The following NAV3 variants were observed in gnomAD, a reference collection of about 807,000 sequenced individuals.
NAV3 encodes neuron navigator 3.
NAV3 carries 87 observed loss-of-function variants against 244.7 expected under a neutral mutation model. The observed-to-expected ratio is 0.36, with a 90% CI of 0.30 to 0.42. The LOEUF (loss-of-function observed/expected upper bound fraction) is 0.42, where lower values mean the gene tolerates loss of function less well. Ranked by LOEUF, NAV3 falls within the 20% of genes least tolerant of loss-of-function variation. The probability of loss-of-function intolerance (pLI) is 1.00; values close to 1 mark genes in which losing one functional copy is unlikely to be tolerated. For missense variants in NAV3, 2,663 were observed against 2,893.3 expected (o/e 0.92, Z 1.83); for synonymous variants, 1,126 against 1,042.2 (o/e 1.08, Z -1.55).
intron 12 of NAV3, among the ~76,000 whole-genome samples, chr12:78,089,355 C>T (rs1211611274): frequency 1.3e-5 from 2 of 152,068 alleles, no homozygotes; most frequent in Non-Finnish European, 2.9e-5. Flanking sequence ...ACCATTTTAA[C>T]ATATTTTTTA....
chr12:78,061,815 TA>T (rs138479632), intron 12 of NAV3, among the ~76,000 whole-genome samples: 2,378 of 149,954 alleles, frequency 0.016, 63 homozygotes, highest in African/African-American at 0.054. Flanking sequence ...TCATGTTTAC[TA>T]AAAAAAAAAT....
intron 1 of NAV3, among the ~76,000 whole-genome samples, chr12:77,927,865 TG>T (rs1466592040): frequency 6.6e-6 from 1 of 152,112 alleles, no homozygotes; most frequent in Non-Finnish European, 1.5e-5. Flanking sequence ...CCAGAGTGTT[TG>T]ATTGACTGTC....
chr12:78,133,987 A>G (rs778986354), intron 18 of NAV3, among the ~76,000 whole-genome samples: 11 of 152,166 alleles, frequency 7.2e-5, no homozygotes, highest in Non-Finnish European at 1.5e-4. Context: ...TCATGCCTCC[A>G]TGCATGATAA....
intron 2 of NAV3, among the ~76,000 whole-genome samples, chr12:77,590,690 T>G (rs1869865974): frequency 6.6e-6 from 1 of 152,238 alleles, no homozygotes; most frequent in African/African-American, 2.4e-5. Context: ...TGGTTATTAT[T>G]CACACAAATA....
intron 2 of NAV3, among the ~76,000 whole-genome samples, chr12:77,685,887 T>C (rs1171720596): frequency 6.6e-6 from 1 of 152,146 alleles, no homozygotes; most frequent in African/African-American, 2.4e-5. Context: ...ATTTAGAGTG[T>C]TTAGAAATTT....
intron 2 of NAV3, among the ~76,000 whole-genome samples, chr12:77,607,000 C>G (rs541917247): frequency 2.6e-5 from 4 of 152,070 alleles, no homozygotes; most frequent in Non-Finnish European, 4.4e-5. Context: ...CAAATAAATT[C>G]GAGGAAGCAA....
intron 14 of NAV3, 28 bp from the exon 15 acceptor site, chr12:78,119,209 A>G (rs758351398): frequency 1.3e-6 from 2 of 1,588,810 alleles, no homozygotes; most frequent in Non-Finnish European, 1.7e-6. Flanking sequence ...CTACAGGCAC[A>G]TATATTTGTG....
intron 2 of NAV3, among the ~76,000 whole-genome samples, chr12:77,785,485 G>A (rs961958464): frequency 1.3e-5 from 2 of 152,020 alleles, no homozygotes; most frequent in Admixed American, 6.6e-5. Context: ...AGTAGGAGGA[G>A]GGAGGGGACA....
chr12:77,603,700 G>A (rs1397660280), intron 2 of NAV3, among the ~76,000 whole-genome samples: 1 of 152,052 alleles, frequency 6.6e-6, no homozygotes, highest in African/African-American at 2.4e-5. Context: ...GATGAAGGGA[G>A]AGGCAGGATT....
At chr12:77,920,305 A>G (rs1007089251) in intron 1 of NAV3, among the ~76,000 whole-genome samples, 8 of 152,032 alleles carry the variant, frequency 5.3e-5, no homozygotes, top group African/African-American at 1.7e-4. Flanking sequence ...CATGCTATAT[A>G]TTGTACTTAA....
At chr12:77,854,365 AT>A (rs1878026744) in intron 1 of NAV3, among the ~76,000 whole-genome samples, 1 of 152,204 alleles carries the variant, frequency 6.6e-6, no homozygotes, top group Non-Finnish European at 1.5e-5. Context: ...ATAAATCTGC[AT>A]AAATCCCCTA....
chr12:77,636,252 G>A (rs1026415519), intron 2 of NAV3, among the ~76,000 whole-genome samples: 3 of 152,024 alleles, frequency 2.0e-5, no homozygotes, highest in African/African-American at 7.3e-5. Context: ...GGATCATGAG[G>A]TCAGGAGATC....
intron 2 of NAV3, among the ~76,000 whole-genome samples, chr12:77,649,993 G>T (rs1872755470): frequency 6.6e-6 from 1 of 152,184 alleles, no homozygotes; most frequent in African/African-American, 2.4e-5. Context: ...TCATTTCAGT[G>T]GTATGGCCCC....
intron 9 of NAV3, among the ~76,000 whole-genome samples, chr12:78,030,409 C>T (rs1257596514): frequency 6.6e-6 from 1 of 152,080 alleles, no homozygotes; most frequent in Non-Finnish European, 1.5e-5. Flanking sequence ...CCTTCCAAGA[C>T]TGTTTGAAAT....
chr12:77,817,221 G>A (rs1364753952), intron 2 of NAV3, among the ~76,000 whole-genome samples: 1 of 152,182 alleles, frequency 6.6e-6, no homozygotes, highest in African/African-American at 2.4e-5. Context: ...AAATGGGAAA[G>A]AGAAAATGAG....
intron 1 of NAV3, among the ~76,000 whole-genome samples, chr12:77,881,643 C>T (rs1182940207): frequency 6.6e-6 from 1 of 152,072 alleles, no homozygotes; most frequent in Non-Finnish European, 1.5e-5. Context: ...AACTGTCTTT[C>T]TTCCCTGACG....
rs1958738305 is a variant in NAV3, at chr12:78,186,743, A to G, written c.5790+1045A>G. On this transcript the variant is annotated intron_variant, in intron 31 of 39. Coordinates refer to ENST00000397909, the MANE Select transcript of NAV3 (RefSeq NM_001024383.2). ...TTATTCTACTTGGACTTCCATAATA[A>G]AATAACAGACTAGGTGGCCTAAACA... Among the ~76,000 whole-genome samples the G allele has an allele frequency of 2.0e-5, 3 of 151,860 alleles. No homozygotes were observed. The South Asian group carries it at 6.2e-4, about 31-fold the overall frequency.
At chr12:78,200,919 G>C (rs983171145) in intron 38 of NAV3, among the ~76,000 whole-genome samples, 1 of 151,702 alleles carries the variant, frequency 6.6e-6, no homozygotes. Flanking sequence ...ATGTTTACAT[G>C]AGCCTTGACC....
intron 2 of NAV3, among the ~76,000 whole-genome samples, chr12:77,636,281 A>G (rs1357526963): frequency 1.3e-5 from 2 of 152,012 alleles, no homozygotes; most frequent in Non-Finnish European, 2.9e-5. Flanking sequence ...CCTGGCTAAC[A>G]TAGCAAAACC....
Sources: allele counts gnomAD v4.1 joint callset (sites outside exome capture counted in the v4.1 genomes callset), GRCh38; gene constraint gnomAD v4.1.1; transcripts MANE v1.5; gene names NCBI Gene and HGNC (gene_info 2026-07-23, HGNC 2026-07-21).